Variants in MACROD2 observed in about 807,000 individuals in gnomAD.
MACROD2 encodes the protein mono-ADP ribosylhydrolase 2.
In MACROD2, 36 loss-of-function variants were observed where a neutral mutation model predicts 70.4. The ratio of observed to expected loss-of-function variants is 0.51; its 90% CI spans 0.39 to 0.68. MACROD2 has a LOEUF of 0.68. MACROD2 is among the 30% of genes least tolerant of loss of function. The pLI, the probability that MACROD2 is intolerant of heterozygous loss-of-function variation, is 0.00. For synonymous variants in MACROD2, 172 were observed against 178.8 expected (o/e 0.96, Z 0.30); for missense variants, 496 against 538.4 (o/e 0.92, Z 0.78).
chr20:13,996,794 C>A (rs774018204), intron 1 of MACROD2, among the ~76,000 whole-genome samples: 2 of 152,210 alleles, frequency 1.3e-5, no homozygotes, highest in Non-Finnish European at 2.9e-5. Context: ...ACTTCTTGCA[C>A]TCCTATTGCT....
At chr20:14,356,775 G>T (rs998951619) in intron 3 of MACROD2, among the ~76,000 whole-genome samples, 1 of 152,136 alleles carries the variant, frequency 6.6e-6, no homozygotes, top group African/African-American at 2.4e-5. Flanking sequence ...AAAGTGCTGG[G>T]ATTACAGGCG....
chr20:14,363,816 C>CAAAAAAAAAAAAAAA (rs569929488), intron 3 of MACROD2, among the ~76,000 whole-genome samples: 2 of 71,560 alleles, frequency 2.8e-5, no homozygotes, highest in Admixed American at 2.1e-4. Context: ...GACTCTGTCT[C>CAAAAAAAAAAAAAAA]AAAAAAAAAA....
At chr20:14,084,697 G>A (rs1464280037) in intron 2 of MACROD2, among the ~76,000 whole-genome samples, 2 of 152,016 alleles carry the variant, frequency 1.3e-5, no homozygotes, top group Admixed American at 1.3e-4. Context: ...GCTGTTGTGT[G>A]TTGGGGTAGA....
intron 12 of MACROD2, among the ~76,000 whole-genome samples, chr20:15,962,084 A>G (rs6131746): frequency 0.94 from 143,227 of 152,292 alleles, 67,752 homozygotes; most frequent in East Asian, 1. Flanking sequence ...GTTTTACATT[A>G]TGATGATTCT....
chr20:14,579,998 G>A (rs1344108470), intron 4 of MACROD2, among the ~76,000 whole-genome samples: 1 of 152,054 alleles, frequency 6.6e-6, no homozygotes, highest in Non-Finnish European at 1.5e-5. Context: ...GTAAAAAGAC[G>A]GAATGTTTCA....
At chr20:14,624,627 A>G (rs896040947) in intron 4 of MACROD2, among the ~76,000 whole-genome samples, 4 of 152,172 alleles carry the variant, frequency 2.6e-5, no homozygotes, top group Admixed American at 1.3e-4. Context: ...AAATGAAACT[A>G]CTACATCTGG....
intron 7 of MACROD2, among the ~76,000 whole-genome samples, chr20:15,445,598 C>T (rs2046554041): frequency 6.6e-6 from 1 of 152,038 alleles, no homozygotes; most frequent in Non-Finnish European, 1.5e-5. Flanking sequence ...ACCCAGGGGA[C>T]CCAGGGGAGT....
chr20:15,286,430 C>T (rs2077492092), intron 6 of MACROD2, among the ~76,000 whole-genome samples: 1 of 150,378 alleles, frequency 6.6e-6, no homozygotes. Flanking sequence ...TTATTGAATA[C>T]TAATGATGCA....
chr20:14,578,354 G>A (rs912987427), intron 4 of MACROD2, among the ~76,000 whole-genome samples: 2 of 152,092 alleles, frequency 1.3e-5, no homozygotes, highest in South Asian at 2.1e-4. Flanking sequence ...TATACTTTCA[G>A]TGAAGAGAAA....
intron 6 of MACROD2, among the ~76,000 whole-genome samples, chr20:15,235,902 T>G (rs1323730755): frequency 6.6e-6 from 1 of 152,196 alleles, no homozygotes. Context: ...TTTTCCAGTT[T>G]CCTTTTAGGC....
chr20:15,426,248 G>C (rs1238847045), intron 6 of MACROD2, among the ~76,000 whole-genome samples: 1 of 150,672 alleles, frequency 6.6e-6, no homozygotes, highest in South Asian at 2.1e-4. Flanking sequence ...AAATCTGCTT[G>C]ATATCAACAT....
At chr20:15,316,651 C>G (rs950030901) in intron 6 of MACROD2, among the ~76,000 whole-genome samples, 4 of 151,888 alleles carry the variant, frequency 2.6e-5, no homozygotes, top group Non-Finnish European at 5.9e-5. Flanking sequence ...AAATGGAGAC[C>G]AAGAAGGACA....
At chr20:15,799,734 A>G (rs1300333965) in intron 8 of MACROD2, among the ~76,000 whole-genome samples, 1 of 152,256 alleles carries the variant, frequency 6.6e-6, no homozygotes, top group Non-Finnish European at 1.5e-5. Flanking sequence ...CTATGTTAAC[A>G]GTGCAGCAAT....
At chr20:14,327,472 C>T in intron 3 of MACROD2, 1 of 1,613,022 alleles carries the variant, frequency 6.2e-7, no homozygotes, top group South Asian at 1.1e-5. Context: ...AATTTTAGTC[C>T]CGATGAGGAA....
chr20:15,886,798 G>A lies in MACROD2; in HGVS notation c.775+987G>A, dbSNP rs929573593. 9.9e-5 allele frequency among the ~76,000 whole-genome samples: 15 copies of A among 152,206 alleles called. No individual in the cohort carries two copies. The South Asian group carries it at 2.9e-3, about 29-fold the overall frequency. On this transcript the variant is annotated intron_variant, in intron 10 of 17. Coordinates refer to ENST00000684519, the MANE Select transcript of MACROD2 (RefSeq NM_001351661.2). ...TTCTATAAGCTGAGTTTACAATTCT[G>A]GGGGCAATAATTCTTACCATATAGT...
intron 5 of MACROD2, among the ~76,000 whole-genome samples, chr20:15,136,816 T>G (rs947810373): frequency 2.6e-4 from 40 of 152,106 alleles, no homozygotes; most frequent in African/African-American, 8.9e-4. Context: ...CTACTCATCT[T>G]TCAAAGGGCT....
intron 4 of MACROD2, among the ~76,000 whole-genome samples, chr20:14,680,183 C>T (rs2070914760): frequency 6.6e-6 from 1 of 152,078 alleles, no homozygotes; most frequent in African/African-American, 2.4e-5. Flanking sequence ...GATGAAGGAG[C>T]CCAAAATCTA....
intron 8 of MACROD2, among the ~76,000 whole-genome samples, chr20:15,750,570 A>T (rs909630947): frequency 2.0e-5 from 3 of 151,872 alleles, no homozygotes; most frequent in Non-Finnish European, 4.4e-5. Flanking sequence ...CAAAAAAAAA[A>T]ATATAGAAAT....
chr20:14,271,659 G>A (rs1170564485), intron 3 of MACROD2, among the ~76,000 whole-genome samples: 4 of 152,198 alleles, frequency 2.6e-5, no homozygotes, highest in African/African-American at 7.2e-5. Context: ...ACTTTGACGA[G>A]TTGAGAGAAG....
Sources: allele counts gnomAD v4.1 joint callset (sites outside exome capture counted in the v4.1 genomes callset), GRCh38; gene constraint gnomAD v4.1.1; transcripts MANE v1.5; gene names NCBI Gene and HGNC (gene_info 2026-07-23, HGNC 2026-07-21).